WIPF3: variants seen among roughly 807,000 people sequenced by gnomAD.
WIPF3 encodes the protein WAS/WASL interacting protein family member 3.
WIPF3 carries 33 observed loss-of-function variants against 38.9 expected under a neutral mutation model. The ratio of observed to expected loss-of-function variants is 0.85; its 90% CI spans 0.64 to 1.14. The LOEUF is 1.14. Ranked by LOEUF, WIPF3 falls within the 50% of genes most tolerant of loss-of-function variation. The pLI is 0.00. For missense variants in WIPF3, 711 were observed against 652.5 expected, an observed-to-expected ratio of 1.09 and a Z score of -0.98; for synonymous variants, 324 against 269.3, an observed-to-expected ratio of 1.20 and a Z score of -1.99.
intron 2 of WIPF3, among the ~76,000 whole-genome samples, chr7:29,843,399 G>A (rs1784945629): frequency 6.6e-6 from 1 of 152,198 alleles, no homozygotes; most frequent in African/African-American, 2.4e-5. Flanking sequence ...AGAAAAGCCT[G>A]CGAGCGCTTG....
At chr7:29,912,024 G>A (rs1583633640) in intron 8 of WIPF3, among the ~76,000 whole-genome samples, 3 of 152,184 alleles carry the variant, frequency 2.0e-5, no homozygotes, top group East Asian at 1.9e-4. Context: ...TTTTCATATC[G>A]TGTATCTGAT....
At chr7:29,914,371 T>A in intron 8 of WIPF3, 122 bp from the exon 9 acceptor site, 1 of 751,914 alleles carries the variant, frequency 1.3e-6, no homozygotes, top group Non-Finnish European at 2.0e-6. Flanking sequence ...TCCCCAAACT[T>A]GACAGCCTTG....
At chr7:29,909,341 A>G (rs1333621032) in intron 8 of WIPF3, among the ~76,000 whole-genome samples, 1 of 152,196 alleles carries the variant, frequency 6.6e-6, no homozygotes, top group Non-Finnish European at 1.5e-5. Flanking sequence ...AACAATACAG[A>G]AAATCAACAA....
At chr7:29,853,304 C>G (rs982987851) in intron 2 of WIPF3, among the ~76,000 whole-genome samples, 1 of 152,196 alleles carries the variant, frequency 6.6e-6, no homozygotes, top group Non-Finnish European at 1.5e-5. Context: ...AGGCAGCTAG[C>G]CCAGAGGGGA....
chr7:29,901,182 C>T (rs891394703), intron 7 of WIPF3, among the ~76,000 whole-genome samples: 1 of 152,094 alleles, frequency 6.6e-6, no homozygotes. Flanking sequence ...AGTGTGAAAA[C>T]CCCTGATTTG....
At chr7:29,894,520 T>C (rs1392784413) in intron 7 of WIPF3, among the ~76,000 whole-genome samples, 2 of 152,206 alleles carry the variant, frequency 1.3e-5, no homozygotes, top group Non-Finnish European at 2.9e-5. Flanking sequence ...GTTCCTGTCA[T>C]CCCTGTGAGC....
Position 29,916,957 on chromosome 7 carries a change from C to G in WIPF3, c.*2441C>G, listed in dbSNP as rs1344153644. On this transcript the variant is annotated 3_prime_UTR_variant, in exon 9 of 9. Transcript: ENST00000242140. ...CCATTGTCACATATTCTCACTGACA[C>G]TGCAGTCTGTGACTCCTCCAATGTT... The G allele has an allele frequency of 1.3e-5, 2 of 152,208 alleles. No individual in the cohort carries two copies. Among genetic ancestry groups the G allele is most frequent in the African/African-American group, 4.8e-5 (2 of 41,442 alleles). The allele number at this position is 152,208 out of a possible 1,614,324, so 9.4% of individuals were successfully genotyped here.
intron 1 of WIPF3, among the ~76,000 whole-genome samples, chr7:29,827,027 C>G (rs541621420): frequency 3.3e-5 from 5 of 152,088 alleles, no homozygotes; most frequent in Non-Finnish European, 7.4e-5. Context: ...TAAAAAAGGG[C>G]TAATATATGA....
intron 1 of WIPF3, among the ~76,000 whole-genome samples, chr7:29,821,894 T>G (rs913534956): frequency 1.3e-5 from 2 of 152,152 alleles, no homozygotes; most frequent in Non-Finnish European, 2.9e-5. Flanking sequence ...TCTCTTTTAC[T>G]TCTGCCATGA....
intron 2 of WIPF3, among the ~76,000 whole-genome samples, chr7:29,861,464 C>G (rs1785273781): frequency 1.3e-5 from 2 of 152,210 alleles, no homozygotes; most frequent in Non-Finnish European, 2.9e-5. Context: ...AGGGGTACTG[C>G]ACAGTCTTAG....
chr7:29,834,717 C>G lies in WIPF3; in HGVS notation c.-8C>G, dbSNP rs775236304. ...ATTCATAAGCAGGAGACATCAACAC[C>G]GTGACACATGCCAGTGCCACCGCCA... On this transcript the variant is annotated 5_prime_UTR_variant, in exon 2 of 9. Transcript: ENST00000242140. The G allele has an allele frequency of 1.3e-6, 2 of 1,504,630 alleles. No individual in the cohort carries two copies. The highest frequency in any genetic ancestry group is 1.8e-6 in the Non-Finnish European group (2 of 1,125,584). The allele number at this position is 1,504,630 out of a possible 1,614,324, so 93.2% of individuals were successfully genotyped here. A position where few individuals can be genotyped will look rare whatever the true frequency, so the allele number is the denominator to read the frequency against.
At chr7:29,908,920 A>G (rs1786452634) in intron 8 of WIPF3, among the ~76,000 whole-genome samples, 1 of 151,914 alleles carries the variant, frequency 6.6e-6, no homozygotes, top group Admixed American at 6.6e-5. Flanking sequence ...AAAAAAAAAA[A>G]AAAAAAAGAT....
At chr7:29,912,039 G>C (rs1786514226) in intron 8 of WIPF3, among the ~76,000 whole-genome samples, 1 of 152,136 alleles carries the variant, frequency 6.6e-6, no homozygotes, top group Non-Finnish European at 1.5e-5. Flanking sequence ...TCTGATAAGA[G>C]ATTAATATCC....
In WIPF3 at chr7:29,902,741, T is replaced by C. The variant is rs142787634; in HGVS notation, c.1352-1545T>C. ...CTGTAGTCCTAGCTACTCAGGAGGC[T>C]GAGGAATCAGAATTGCTTGAACCTG... On this transcript the variant is annotated intron_variant, in intron 7 of 8. Coordinates refer to ENST00000242140, the MANE Select transcript of WIPF3 (RefSeq NM_001080529.3). 3.5e-3 allele frequency among the ~76,000 whole-genome samples: 540 copies of C among 152,210 alleles called. 3 individuals are homozygous for C. The highest frequency in any genetic ancestry group is 0.012 in the African/African-American group (489 of 41,518).
At chr7:29,838,621 G>A (rs1784857793) in intron 2 of WIPF3, among the ~76,000 whole-genome samples, 1 of 152,120 alleles carries the variant, frequency 6.6e-6, no homozygotes, top group African/African-American at 2.4e-5. Flanking sequence ...TGGAGTGATG[G>A]AAACTCTCAT....
intron 2 of WIPF3, among the ~76,000 whole-genome samples, chr7:29,867,685 A>G (rs1785415438): frequency 6.6e-6 from 1 of 151,038 alleles, no homozygotes. Context: ...GAATATTGGC[A>G]TCATTGTAAA....
At chr7:29,809,719 C>A (rs1332109860) in intron 1 of WIPF3, among the ~76,000 whole-genome samples, 1 of 152,178 alleles carries the variant, frequency 6.6e-6, no homozygotes, top group Non-Finnish European at 1.5e-5. Flanking sequence ...AAGAGGGAAC[C>A]CGACCATTAT....
At chr7:29,814,878 A>G (rs117514795) in intron 1 of WIPF3, among the ~76,000 whole-genome samples, 1,941 of 152,352 alleles carry the variant, frequency 0.013, 19 homozygotes, top group Non-Finnish European at 0.021. Flanking sequence ...GGTGTAGTCA[A>G]AAATGAAACT....
intron 4 of WIPF3, among the ~76,000 whole-genome samples, chr7:29,881,862 G>A (rs1019158933): frequency 1.4e-4 from 21 of 152,152 alleles, no homozygotes; most frequent in African/African-American, 4.6e-4. Flanking sequence ...GGCCTTTCCC[G>A]CCACCTCCTG....
Sources: allele counts gnomAD v4.1 joint callset (sites outside exome capture counted in the v4.1 genomes callset), GRCh38; gene constraint gnomAD v4.1.1; transcripts MANE v1.5; gene names NCBI Gene and HGNC (gene_info 2026-07-23, HGNC 2026-07-21).